PTPRN2: variants seen among roughly 807,000 people sequenced by gnomAD.
PTPRN2 encodes protein tyrosine phosphatase receptor type N2.
A neutral mutation model predicts 118.8 loss-of-function variants in PTPRN2; 74 were observed. The ratio of observed to expected loss-of-function variants is 0.62; its 90% CI spans 0.52 to 0.76. The LOEUF (loss-of-function observed/expected upper bound fraction) is 0.76. Ranked by LOEUF, PTPRN2 falls within the 30% of genes least tolerant of loss-of-function variation. The pLI, the probability that PTPRN2 is intolerant of heterozygous loss-of-function variation, is 0.00. For synonymous variants in PTPRN2, 641 were observed against 608.0 expected, an observed-to-expected ratio of 1.05 and a Z score of -0.80; for missense variants, 1,481 against 1,394.4, an observed-to-expected ratio of 1.06 and a Z score of -0.99.
chr7:158,140,201 A>G (rs1414166594), intron 6 of PTPRN2, among the ~76,000 whole-genome samples: 1 of 152,230 alleles, frequency 6.6e-6, no homozygotes, highest in East Asian at 1.9e-4. Context: ...ATGGCACAAG[A>G]GGCTAGAGGG....
rs1293209804 is a variant in PTPRN2, at chr7:157,622,577, T to C, written c.2197-1068A>G. Reference sequence around the variant, plus strand: ...GGGAATCTCAGGTCATCGTGCCGTCTAGTGGAAGTTTTGACCACAGCCAAC... The same window carrying C: ...GGGAATCTCAGGTCATCGTGCCGTCCAGTGGAAGTTTTGACCACAGCCAAC... On this transcript the variant is annotated intron_variant, in intron 14 of 22. Coordinates refer to ENST00000389418, the MANE Select transcript of PTPRN2 (RefSeq NM_002847.5). The surrounding 1 kb of genome is among the most constrained non-coding windows in gnomAD (Gnocchi z 5.3). Among the ~76,000 whole-genome samples, 1 of 152,160 alleles carries C rather than the reference T, an allele frequency of 6.6e-6. No individual in the cohort carries two copies. The highest frequency in any genetic ancestry group is 1.5e-5 in the Non-Finnish European group (1 of 68,024).
chr7:157,971,502 T>C (rs747158436), intron 11 of PTPRN2, among the ~76,000 whole-genome samples: 3 of 152,182 alleles, frequency 2.0e-5, no homozygotes, highest in Non-Finnish European at 2.9e-5. Flanking sequence ...GTATTTCCTA[T>C]GATAACATTA....
At chr7:157,678,960 C>T (rs1271242173) in intron 13 of PTPRN2, among the ~76,000 whole-genome samples, 5 of 152,126 alleles carry the variant, frequency 3.3e-5, no homozygotes, top group Admixed American at 1.3e-4. Context: ...ATTTTTGGCA[C>T]AGTTTTTACC....
chr7:157,702,591 G>A (rs918670453), intron 12 of PTPRN2, among the ~76,000 whole-genome samples: 4 of 152,216 alleles, frequency 2.6e-5, no homozygotes, highest in African/African-American at 7.2e-5. Flanking sequence ...TGAGAGCCCC[G>A]GGGCGGAGGC....
intron 1 of PTPRN2, among the ~76,000 whole-genome samples, chr7:158,549,048 AG>A: frequency 6.6e-6 from 1 of 152,282 alleles, no homozygotes; most frequent in African/African-American, 2.4e-5. Context: ...GTGCCACCCC[AG>A]GGGGGCCGAG....
chr7:157,821,557 C>T (rs1806842535), intron 12 of PTPRN2, among the ~76,000 whole-genome samples: 2 of 152,104 alleles, frequency 1.3e-5, no homozygotes, highest in Non-Finnish European at 2.9e-5. Context: ...TGAGAAGGGG[C>T]TTATTAGCTC....
intron 12 of PTPRN2, among the ~76,000 whole-genome samples, chr7:157,719,376 C>T (rs1158822056): frequency 6.6e-6 from 1 of 152,260 alleles, no homozygotes; most frequent in East Asian, 1.9e-4. Context: ...AGTGGGAAGT[C>T]CCCCATTGGG....
intron 11 of PTPRN2, among the ~76,000 whole-genome samples, chr7:158,014,388 C>T (rs1390292484): frequency 3.3e-5 from 5 of 151,514 alleles, no homozygotes; most frequent in African/African-American, 4.9e-5. Flanking sequence ...CCTGTTTGTT[C>T]GTCCATCCAT....
chr7:157,736,199 G>C (rs1800287943), intron 12 of PTPRN2, among the ~76,000 whole-genome samples: 1 of 152,196 alleles, frequency 6.6e-6, no homozygotes, highest in South Asian at 2.1e-4. Flanking sequence ...TTCAAAGGAG[G>C]CTGCTCTTAG....
chr7:158,446,491 C>T (rs1431491451), intron 2 of PTPRN2, among the ~76,000 whole-genome samples: 6 of 151,176 alleles, frequency 4.0e-5, no homozygotes, highest in African/African-American at 9.7e-5. Context: ...AATGGACACA[C>T]GGAGACCCAC....
chr7:157,551,269 T>C (rs1798583082), intron 21 of PTPRN2, among the ~76,000 whole-genome samples: 1 of 152,092 alleles, frequency 6.6e-6, no homozygotes, highest in African/African-American at 2.4e-5. Context: ...GTACCTTTGG[T>C]AGGAGCTGTG....
intron 3 of PTPRN2, among the ~76,000 whole-genome samples, chr7:158,252,403 G>A (rs564547658): frequency 5.3e-5 from 8 of 152,262 alleles, no homozygotes; most frequent in South Asian, 2.1e-4. Context: ...ACTGGGCAGC[G>A]GGAATGGAGC....
Position 158,341,357 on chromosome 7 carries a change from A to C in PTPRN2, c.164-24425T>G, listed in dbSNP as rs62493629. ...CACCCACACTCTCACCATAAGAGGTAACACATGCAGACGTCACTCACACCC... is the reference window on the plus strand; with the variant it reads ...CACCCACACTCTCACCATAAGAGGTCACACATGCAGACGTCACTCACACCC... On this transcript the variant is annotated intron_variant, in intron 2 of 22. Coordinates refer to ENST00000389418, the MANE Select transcript of PTPRN2 (RefSeq NM_002847.5). 5.6e-5 allele frequency among the ~76,000 whole-genome samples: 5 copies of C among 89,716 alleles called. 1 individual carries two copies. Among genetic ancestry groups the C allele is most frequent in the Admixed American group, 3.3e-4 (3 of 9,132 alleles). 58.9% of individuals were successfully genotyped at this position (89,716 alleles called of 152,430 possible). A position where few individuals can be genotyped will look rare whatever the true frequency, so the allele number is the denominator to read the frequency against.
intron 12 of PTPRN2, among the ~76,000 whole-genome samples, chr7:157,891,063 TCTCCTGGGTCA>T (rs1170061089): frequency 6.6e-6 from 1 of 151,706 alleles, no homozygotes; most frequent in African/African-American, 2.4e-5. Context: ...TGTCCCGTCC[TCTCCTGGGTCA>T]CACCTGGGTG....
chr7:158,071,748 A>ATGGTGGAGGTGCTCGTGG (rs1811829093), intron 11 of PTPRN2, among the ~76,000 whole-genome samples: 2 of 27,158 alleles, frequency 7.4e-5, no homozygotes, highest in Admixed American at 7.3e-4. Flanking sequence ...GGAGGTGCTC[A>ATGGTGGAGGTGCTCGTGG]TGGTGGAGGT....
chr7:157,683,736 GTGCAAATAGT>G (rs1797025732), intron 12 of PTPRN2, among the ~76,000 whole-genome samples: 1 of 152,084 alleles, frequency 6.6e-6, no homozygotes, highest in South Asian at 2.1e-4. Flanking sequence ...TTGTCTCCAC[GTGCAAATAGT>G]TGCACGGCTC....
intron 11 of PTPRN2, among the ~76,000 whole-genome samples, chr7:157,984,229 C>T (rs1258843915): frequency 6.6e-6 from 1 of 151,174 alleles, no homozygotes; most frequent in Non-Finnish European, 1.5e-5. Flanking sequence ...CTGAAACCAC[C>T]GCCCCACGCC....
chr7:157,862,171 A>C (rs1423998655), intron 12 of PTPRN2, among the ~76,000 whole-genome samples: 1 of 152,274 alleles, frequency 6.6e-6, no homozygotes, highest in African/African-American at 2.4e-5. Context: ...ACATGGCCGC[A>C]TCAAGGACCT....
rs571859191 is a variant in PTPRN2 at position 158,443,207 on chromosome 7, G to A, written c.163+46528C>T. Among the ~76,000 whole-genome samples, 10 of 152,280 alleles carry A rather than the reference G, an allele frequency of 6.6e-5. No homozygotes were observed. The South Asian group carries it at 1.9e-3, about 28-fold the overall frequency. On this transcript the variant is annotated intron_variant, in intron 2 of 22. Coordinates refer to ENST00000389418, the MANE Select transcript of PTPRN2 (RefSeq NM_002847.5). ...GTGGGCAGAGGCAGGAGCGGAGGCT[G>A]CGGAGGACGCTCCAAGCCCATCTTC...
Sources: allele counts gnomAD v4.1 joint callset (sites outside exome capture counted in the v4.1 genomes callset), GRCh38; gene constraint gnomAD v4.1.1; non-coding constraint Gnocchi (gnomAD v3.1); transcripts MANE v1.5; gene names NCBI Gene and HGNC (gene_info 2026-07-23, HGNC 2026-07-21).